Variants in MAP3K20 observed in about 807,000 individuals in gnomAD.
MAP3K20 encodes HCCS-4.
Under a neutral mutation model 85.7 loss-of-function variants are expected in MAP3K20, and 40 were observed. That is an observed-to-expected ratio of 0.47 (90% CI 0.36 to 0.61). The LOEUF is 0.61. Ranked by LOEUF, MAP3K20 falls within the 20% of genes least tolerant of loss-of-function variation. The probability of loss-of-function intolerance (pLI) is 0.00; values close to 1 mark genes in which losing one functional copy is unlikely to be tolerated. For synonymous variants in MAP3K20, 325 were observed against 327.7 expected (o/e 0.99, Z 0.09); for missense variants, 817 against 961.7 (o/e 0.85, Z 1.99).
intron 16 of MAP3K20, among the ~76,000 whole-genome samples, chr2:173,253,075 CCA>C (rs1297704974): frequency 6.6e-6 from 1 of 152,156 alleles, no homozygotes; most frequent in East Asian, 1.9e-4. Flanking sequence ...CCCTGCACGC[CCA>C]GACTCCTGCC....
At chr2:173,093,354 T>G (rs1459695442) in intron 2 of MAP3K20, among the ~76,000 whole-genome samples, 1 of 152,204 alleles carries the variant, frequency 6.6e-6, no homozygotes, top group Non-Finnish European at 1.5e-5. Context: ...TGTTCGCAGC[T>G]CATTTCATGT....
intron 2 of MAP3K20, among the ~76,000 whole-genome samples, chr2:173,101,438 G>T (rs1687635951): frequency 6.6e-6 from 1 of 152,146 alleles, no homozygotes; most frequent in African/African-American, 2.4e-5. Context: ...ATTGATCTCA[G>T]CATATTGAGC....
chr2:173,218,145 T>A (rs1279112407), intron 11 of MAP3K20, among the ~76,000 whole-genome samples: 1 of 152,212 alleles, frequency 6.6e-6, no homozygotes, highest in African/African-American at 2.4e-5. Context: ...CAAAAAATAC[T>A]GAAATGCCGC....
chr2:173,229,177 C>G (rs988003252), intron 11 of MAP3K20, among the ~76,000 whole-genome samples: 1 of 152,166 alleles, frequency 6.6e-6, no homozygotes, highest in African/African-American at 2.4e-5. Context: ...AGGACCGTAC[C>G]AATTTCCCAT....
At position 173,191,102 on chromosome 2, in the gene MAP3K20, T is replaced by G. The variant is rs760639415; in HGVS notation, c.507T>G (p.Thr169=). The G allele has an allele frequency of 6.2e-7, 1 of 1,614,116 alleles. No individual in the cohort carries two copies. Among genetic ancestry groups the G allele is most frequent in the South Asian group, 1.1e-5 (1 of 91,080 alleles). ...CAACACACATGTCCTTGGTTGGAAC[T>G]TTCCCATGGATGGCTCCAGAAGTTA... ...NHTTHMSLVG[T]FPWMAPEVIQ... is the part of the protein sequence containing the mutation. Residue 169 remains threonine (T), a synonymous_variant, in exon 7 of 20, where the codon ACT becomes ACG. Coordinates refer to ENST00000375213, the MANE Select transcript of MAP3K20 (RefSeq NM_016653.3).
At chr2:173,103,771 C>G (rs1687702513) in intron 2 of MAP3K20, among the ~76,000 whole-genome samples, 1 of 152,086 alleles carries the variant, frequency 6.6e-6, no homozygotes. Context: ...AGAGGTAACT[C>G]TACATGTGAA....
At chr2:173,133,767 G>A (rs1180840341) in intron 2 of MAP3K20, among the ~76,000 whole-genome samples, 5 of 151,550 alleles carry the variant, frequency 3.3e-5, no homozygotes, top group Non-Finnish European at 5.9e-5. Context: ...GGCGGATCAC[G>A]AGGTCAGGAG....
chr2:173,216,404 G>A (rs138425715), intron 10 of MAP3K20, among the ~76,000 whole-genome samples: 4 of 152,168 alleles, frequency 2.6e-5, no homozygotes, highest in African/African-American at 9.6e-5. Flanking sequence ...AAAATTACTC[G>A]GGTCTTTTAT....
At chr2:173,193,786 G>A (rs1233957896) in intron 7 of MAP3K20, among the ~76,000 whole-genome samples, 4 of 152,080 alleles carry the variant, frequency 2.6e-5, no homozygotes, top group African/African-American at 9.7e-5. Flanking sequence ...TCAGTAGAAG[G>A]GCTTGAACAC....
intron 16 of MAP3K20, among the ~76,000 whole-genome samples, chr2:173,244,135 G>A (rs537265825): frequency 6.6e-6 from 1 of 152,310 alleles, no homozygotes; most frequent in East Asian, 1.9e-4. Flanking sequence ...CGCAGCAAGT[G>A]GGAGGGAGGG....
chr2:173,235,683 G>A (rs1684631923), intron 14 of MAP3K20, among the ~76,000 whole-genome samples: 1 of 152,196 alleles, frequency 6.6e-6, no homozygotes, highest in African/African-American at 2.4e-5. Context: ...TCGTGAATGT[G>A]CTAAATGCCA....
intron 9 of MAP3K20, among the ~76,000 whole-genome samples, chr2:173,206,265 G>T (rs1683685253): frequency 6.6e-6 from 1 of 152,128 alleles, no homozygotes; most frequent in Non-Finnish European, 1.5e-5. Flanking sequence ...TACACAACAA[G>T]AACATTAGGC....
At chr2:173,090,534 G>C (rs1286052649) in intron 1 of MAP3K20, 1 of 792,590 alleles carries the variant, frequency 1.3e-6, no homozygotes, top group Non-Finnish European at 1.5e-6. Flanking sequence ...TGTGTACCAG[G>C]ATGCTCGGTG....
rs375629173 is a variant in MAP3K20, at chr2:173,239,504, A to C, written c.1359+8A>C. The C allele has an allele frequency of 6.2e-7, 1 of 1,609,228 alleles. No homozygotes were observed. On this transcript the variant is annotated splice_region_variant and intron_variant, in intron 16 of 19. Coordinates refer to ENST00000375213, the MANE Select transcript of MAP3K20 (RefSeq NM_016653.3). ...CCAGGAACTGGCCCACAGGTAAATC[A>C]CATTTTAAATCCTTTGGATAAATCT...
chr2:173,100,581 G>T (rs954126173), intron 2 of MAP3K20, among the ~76,000 whole-genome samples: 2 of 152,032 alleles, frequency 1.3e-5, no homozygotes, highest in Non-Finnish European at 2.9e-5. Context: ...CTGTGAAGAG[G>T]GTAGAACTCG....
intron 2 of MAP3K20, among the ~76,000 whole-genome samples, chr2:173,146,294 C>T (rs1285647900): frequency 1.3e-5 from 2 of 151,834 alleles, no homozygotes; most frequent in African/African-American, 4.8e-5. Flanking sequence ...AGGGATTCTC[C>T]AGAAGCGCCA....
chr2:173,099,944 T>C (rs1262043672), intron 2 of MAP3K20, among the ~76,000 whole-genome samples: 1 of 152,236 alleles, frequency 6.6e-6, no homozygotes, highest in Non-Finnish European at 1.5e-5. Flanking sequence ...ATAGGAAGAC[T>C]TGGATAACTG....
chr2:173,202,145 A>T (rs1691087479), intron 8 of MAP3K20, among the ~76,000 whole-genome samples: 1 of 152,170 alleles, frequency 6.6e-6, no homozygotes, highest in Admixed American at 6.5e-5. Flanking sequence ...TAAACACCTG[A>T]ATTTTTTTTT....
At chr2:173,247,197 T>C (rs1256853117) in intron 16 of MAP3K20, among the ~76,000 whole-genome samples, 3 of 152,212 alleles carry the variant, frequency 2.0e-5, no homozygotes, top group Non-Finnish European at 2.9e-5. Flanking sequence ...AAAATTCGGC[T>C]TTTTACAAAT....
Sources: gnomAD v4.1 joint callset for allele counts (sites outside exome capture counted in the v4.1 genomes callset) on GRCh38, gnomAD v4.1.1 for gene constraint, MANE v1.5 for transcripts, NCBI Gene and HGNC (gene_info 2026-07-23, HGNC 2026-07-21) for gene names.